The following RBFOX1 variants were observed in gnomAD, a reference collection of about 807,000 sequenced individuals.
RBFOX1 encodes the protein RNA binding protein fox-1 homolog 1.
Under a neutral mutation model 57.7 loss-of-function variants are expected in RBFOX1, and 8 were observed. The observed-to-expected ratio is 0.14, with a 90% CI of 0.08 to 0.25. The LOEUF (loss-of-function observed/expected upper bound fraction) is 0.25. Among genes scored for constraint, RBFOX1 ranks in the 10% least tolerant of loss-of-function variants. The pLI is 1.00. For synonymous variants in RBFOX1, 326 were observed against 222.4 expected (o/e 1.47, Z -4.15); for missense variants, 611 against 548.5 (o/e 1.11, Z -1.14).
chr16:5,955,670 C>T (rs2059623750), intron 4 of RBFOX1, among the ~76,000 whole-genome samples: 1 of 152,080 alleles, frequency 6.6e-6, no homozygotes, highest in Non-Finnish European at 1.5e-5. Context: ...TGATAGACTT[C>T]ACCACATTGA....
intron 4 of RBFOX1, among the ~76,000 whole-genome samples, chr16:7,285,252 C>A (rs901293702): frequency 6.6e-6 from 1 of 151,822 alleles, no homozygotes. Flanking sequence ...TTCCAATGTA[C>A]CCTTTACACA....
chr16:6,417,884 G>C (rs1159196639), intron 2 of RBFOX1, among the ~76,000 whole-genome samples: 1 of 151,892 alleles, frequency 6.6e-6, no homozygotes, highest in African/African-American at 2.4e-5. Context: ...GAAAGCAAAA[G>C]ACAGAACTTT....
intron 1 of RBFOX1, among the ~76,000 whole-genome samples, chr16:6,130,676 G>C (rs1290916379): frequency 1.3e-5 from 2 of 152,036 alleles, no homozygotes; most frequent in Admixed American, 6.6e-5. Flanking sequence ...GTAAAAGAGT[G>C]GAAAACTATA....
intron 2 of RBFOX1, among the ~76,000 whole-genome samples, chr16:6,328,390 A>T (rs1240234148): frequency 6.6e-6 from 1 of 152,140 alleles, no homozygotes; most frequent in Non-Finnish European, 1.5e-5. Context: ...GAACTTATTC[A>T]TATAACAAAA....
At chr16:5,817,327 C>A (rs868126203) in intron 3 of RBFOX1, among the ~76,000 whole-genome samples, 1 of 152,166 alleles carries the variant, frequency 6.6e-6, no homozygotes, top group Non-Finnish European at 1.5e-5. Context: ...CTTCTTAAAG[C>A]GAGCTTGCTG....
chr16:7,269,211 C>A (rs2095257048), intron 4 of RBFOX1, among the ~76,000 whole-genome samples: 1 of 152,154 alleles, frequency 6.6e-6, no homozygotes, highest in South Asian at 2.1e-4. Context: ...GTGACTTGTT[C>A]CACATTTTCT....
chr16:6,967,824 G>A (rs1205172363), intron 3 of RBFOX1, among the ~76,000 whole-genome samples: 2 of 152,136 alleles, frequency 1.3e-5, no homozygotes, highest in Non-Finnish European at 2.9e-5. Flanking sequence ...AATGTAAGGG[G>A]ACAGGGTTTA....
chr16:7,488,802 T>C (rs1458699928), intron 4 of RBFOX1, among the ~76,000 whole-genome samples: 1 of 152,192 alleles, frequency 6.6e-6, no homozygotes, highest in Admixed American at 6.5e-5. Context: ...ATCCATACAT[T>C]AATCTATCCA....
intron 3 of RBFOX1, among the ~76,000 whole-genome samples, chr16:6,987,009 A>G (rs1416468858): frequency 6.6e-6 from 1 of 152,122 alleles, no homozygotes; most frequent in Non-Finnish European, 1.5e-5. Flanking sequence ...TGGTTAGTCC[A>G]TTCTGAGTGG....
At chr16:6,915,610 C>T (rs1052033050) in intron 3 of RBFOX1, among the ~76,000 whole-genome samples, 2 of 146,432 alleles carry the variant, frequency 1.4e-5, no homozygotes, top group Non-Finnish European at 3.0e-5. Context: ...GAGTGCAGTG[C>T]CATGATCTCA....
chr16:6,946,033 T>G (rs774153805), intron 3 of RBFOX1, among the ~76,000 whole-genome samples: 1 of 152,224 alleles, frequency 6.6e-6, no homozygotes, highest in Non-Finnish European at 1.5e-5. Flanking sequence ...CCTACACAGA[T>G]GCTTCACTGG....
chr16:6,129,701 T>TG (rs2096615753), intron 1 of RBFOX1, among the ~76,000 whole-genome samples: 1 of 68,786 alleles, frequency 1.5e-5, no homozygotes, highest in African/African-American at 9.0e-5. Flanking sequence ...ACAGGTAGAA[T>TG]TAAAAAAAAA....
At chr16:7,187,478 A>T (rs184284515) in intron 4 of RBFOX1, among the ~76,000 whole-genome samples, 192 of 151,618 alleles carry the variant, frequency 1.3e-3, no homozygotes, top group African/African-American at 4.3e-3. Context: ...TCACGAGATC[A>T]GGAGATCGAG....
At chr16:6,710,901 C>A (rs979578317) in intron 3 of RBFOX1, among the ~76,000 whole-genome samples, 2 of 152,172 alleles carry the variant, frequency 1.3e-5, no homozygotes, top group African/African-American at 2.4e-5. Context: ...TGAGAAGACT[C>A]CTTCTAGAAG....
At chr16:6,964,985 G>C (rs766979849) in intron 3 of RBFOX1, among the ~76,000 whole-genome samples, 1 of 152,138 alleles carries the variant, frequency 6.6e-6, no homozygotes, top group African/African-American at 2.4e-5. Context: ...CCTATCCTAC[G>C]TGCTTCATAA....
chr16:6,288,731 C>T (rs887209932), intron 1 of RBFOX1, among the ~76,000 whole-genome samples: 9 of 152,036 alleles, frequency 5.9e-5, no homozygotes, highest in East Asian at 1.9e-4. Flanking sequence ...ACAGCTGAAG[C>T]AAGGTCTTAG....
In RBFOX1 at chr16:6,450,839, GTATATATA is replaced by G. The variant is rs1202016714; in HGVS notation, c.-64+133810_-64+133817del. ...TATACATATATATATATATATATGT[GTATATATA>G]TATATATATATATATATATATATAT... On this transcript the variant is annotated intron_variant, in intron 2 of 15. Transcript: ENST00000550418. Among the ~76,000 whole-genome samples the G allele has an allele frequency of 9.6e-4, 13 of 13,606 alleles. 2 individuals are homozygous for G. The highest frequency in any genetic ancestry group is 4.5e-3 in the African/African-American group (13 of 2,900). 8.9% of individuals were successfully genotyped at this position (13,606 alleles called of 152,430 possible).
chr16:6,132,078 C>T (rs148099818), intron 1 of RBFOX1, among the ~76,000 whole-genome samples: 1 of 152,252 alleles, frequency 6.6e-6, no homozygotes, highest in African/African-American at 2.4e-5. Flanking sequence ...CTTTAGTTCA[C>T]AAAGGAGCGA....
chr16:7,437,391 G>A (rs934740537), intron 4 of RBFOX1, among the ~76,000 whole-genome samples: 16 of 151,994 alleles, frequency 1.1e-4, no homozygotes, highest in African/African-American at 3.9e-4. Flanking sequence ...TGAATCATAG[G>A]CTCTCCCATG....
Sources: allele counts gnomAD v4.1 joint callset (sites outside exome capture counted in the v4.1 genomes callset), GRCh38; gene constraint gnomAD v4.1.1; transcripts MANE v1.5; gene names NCBI Gene and HGNC (gene_info 2026-07-23, HGNC 2026-07-21).